Variants in DLG2 observed in about 807,000 individuals in gnomAD.
DLG2 encodes the protein discs large MAGUK scaffold protein 2, also known as disks large homolog 2.
DLG2 carries 45 observed loss-of-function variants against 132.5 expected under a neutral mutation model. The ratio of observed to expected loss-of-function variants is 0.34; its 90% CI spans 0.27 to 0.44. DLG2 has a LOEUF of 0.44. Among genes scored for constraint, DLG2 ranks in the 20% least tolerant of loss-of-function variants. The pLI is 1.00. For missense variants in DLG2, 1,045 were observed against 1,196.9 expected (o/e 0.87, Z 1.87); for synonymous variants, 424 against 419.6 (o/e 1.01, Z -0.13).
At chr11:84,678,792 C>CA (rs1358084624) in intron 6 of DLG2, among the ~76,000 whole-genome samples, 4 of 151,998 alleles carry the variant, frequency 2.6e-5, no homozygotes, top group South Asian at 4.1e-4. Context: ...TAGAAATGAA[C>CA]AGAAATTGAG....
intron 6 of DLG2, among the ~76,000 whole-genome samples, chr11:84,681,178 T>C (rs1302904218): frequency 1.3e-5 from 2 of 152,218 alleles, no homozygotes; most frequent in African/African-American, 4.8e-5. Context: ...AATAATCATA[T>C]AGGAAAGCAG....
intron 6 of DLG2, among the ~76,000 whole-genome samples, chr11:84,794,275 C>T (rs1414371495): frequency 6.6e-6 from 1 of 152,134 alleles, no homozygotes; most frequent in Non-Finnish European, 1.5e-5. Context: ...AAGAGTGTAA[C>T]GGGATTGTAA....
chr11:84,957,029 A>T (rs2051775726), intron 6 of DLG2, among the ~76,000 whole-genome samples: 1 of 152,210 alleles, frequency 6.6e-6, no homozygotes, highest in Non-Finnish European at 1.5e-5. Flanking sequence ...ACATTAGTTG[A>T]ATGTCTATTT....
intron 21 of DLG2, among the ~76,000 whole-genome samples, chr11:83,487,873 A>T: frequency 6.6e-6 from 1 of 152,040 alleles, no homozygotes; most frequent in East Asian, 1.9e-4. Context: ...TTAACTGGCA[A>T]ATCTGTGGAA....
rs1158690628 is a variant in DLG2 at position 83,541,707 on chromosome 11, T to A, written c.2092A>T (p.Met698Leu). The A allele has an allele frequency of 6.2e-7, 1 of 1,610,402 alleles. No homozygotes were observed. The change falls in exon 20 of 28, where the codon ATG becomes TTG. Residue 698 changes from methionine to leucine, a missense_variant. This residue lies in a region of DLG2 where 398 missense variants were observed against 543.6 expected (regional missense o/e 0.73). Transcript: ENST00000376104. ...RVMLEGDSEE[M>L]GVIPSKRRVE... ...CTCCTTTTGCTGGGGATGACCCCCA[T>A]CTCCTCACTGTCTCCCTCCAGCATG...
chr11:83,563,424 G>A (rs1565820270), intron 19 of DLG2, among the ~76,000 whole-genome samples: 1 of 152,208 alleles, frequency 6.6e-6, no homozygotes, highest in Non-Finnish European at 1.5e-5. Flanking sequence ...ATAAAGAAAA[G>A]TCATTGGAAG....
chr11:84,511,160 G>A (rs558176590), intron 7 of DLG2, among the ~76,000 whole-genome samples: 5 of 152,178 alleles, frequency 3.3e-5, no homozygotes, highest in African/African-American at 1.2e-4. Context: ...TGCATAAAGA[G>A]AGGATTATAG....
chr11:84,844,065 TTGTGTG>T (rs769383482), intron 6 of DLG2, among the ~76,000 whole-genome samples: 2 of 115,156 alleles, frequency 1.7e-5, no homozygotes, highest in African/African-American at 6.3e-5. Flanking sequence ...ATATATATGT[TTGTGTG>T]TGTGTGTGTG....
chr11:84,462,243 A>G (rs1261383803), intron 7 of DLG2, among the ~76,000 whole-genome samples: 1 of 151,122 alleles, frequency 6.6e-6, no homozygotes, highest in African/African-American at 2.4e-5. Flanking sequence ...AGGGACTTTA[A>G]CCACAAATTA....
chr11:84,607,014 A>G (rs1358209810), intron 6 of DLG2, among the ~76,000 whole-genome samples: 1 of 152,072 alleles, frequency 6.6e-6, no homozygotes. Context: ...TTCTTTCTCC[A>G]TATCCAGGAT....
rs185577859 is a variant in DLG2 at position 85,313,352 on chromosome 11, G to T, written c.41-27987C>A. 5.9e-5 allele frequency among the ~76,000 whole-genome samples: 9 copies of T among 152,038 alleles called. No homozygotes were observed. The East Asian group carries it at 1.7e-3, about 29-fold the overall frequency. On this transcript the variant is annotated intron_variant, in intron 3 of 27. Coordinates refer to ENST00000376104, the MANE Select transcript of DLG2 (RefSeq NM_001142699.3). ...TACCTAACCATGTACAGTCACATTA[G>T]ATTTTGACATAAACAAGAAATAAAT...
intron 4 of DLG2, among the ~76,000 whole-genome samples, chr11:85,252,273 C>G (rs1473511315): frequency 6.6e-6 from 1 of 152,138 alleles, no homozygotes; most frequent in Non-Finnish European, 1.5e-5. Context: ...TGTGAATGCA[C>G]AGAGCAGATT....
chr11:84,931,398 G>T (rs2048070715), intron 6 of DLG2, among the ~76,000 whole-genome samples: 1 of 152,062 alleles, frequency 6.6e-6, no homozygotes, highest in Admixed American at 6.6e-5. Context: ...GCTCCCACTT[G>T]TAAGTGAGAG....
intron 6 of DLG2, among the ~76,000 whole-genome samples, chr11:84,537,738 G>A (rs1049071772): frequency 1.3e-5 from 2 of 152,166 alleles, no homozygotes; most frequent in African/African-American, 2.4e-5. Context: ...CATTGGTATT[G>A]TTTATTCTCA....
chr11:84,410,065 C>G (rs2098891218), intron 7 of DLG2, among the ~76,000 whole-genome samples: 2 of 152,166 alleles, frequency 1.3e-5, no homozygotes, highest in South Asian at 4.1e-4. Context: ...GAAGGTAACT[C>G]CTAGGCAAGA....
intron 6 of DLG2, among the ~76,000 whole-genome samples, chr11:84,934,540 T>TTTTTTTTTTTTTTTTG (rs2048506991): frequency 7.1e-6 from 1 of 140,044 alleles, no homozygotes; most frequent in East Asian, 2.1e-4. Context: ...TTTTTTTTTT[T>TTTTTTTTTTTTTTTTG]TTTTTTGGTG....
chr11:84,922,133 T>G lies in DLG2; in HGVS notation c.357+189528A>C, dbSNP rs371807234. On this transcript the variant is annotated intron_variant, in intron 6 of 27. Transcript: ENST00000376104. The stretch of plus-strand genomic sequence containing the variant: ...TTAGTACCCAGACACATTAAAACAC[T>G]CCCCTAGTAAAATAAAAAGGGGAAA... 1.4e-3 allele frequency among the ~76,000 whole-genome samples: 202 copies of G among 147,986 alleles called. 3 individuals carry two copies. In the South Asian group the frequency reaches 0.021, roughly 15 times the overall value.
intron 19 of DLG2, among the ~76,000 whole-genome samples, chr11:83,596,436 T>C (rs1459996226): frequency 2.0e-5 from 3 of 152,182 alleles, no homozygotes; most frequent in African/African-American, 4.8e-5. Context: ...CTTGCTCCTC[T>C]TCATTTATTC....
rs145950377 is a variant in DLG2 at position 84,926,139 on chromosome 11, C to T, written c.357+185522G>A. Among the ~76,000 whole-genome samples, 73 of 152,030 alleles carry T rather than the reference C, an allele frequency of 4.8e-4. 1 individual carries two copies. The highest frequency in any genetic ancestry group is 1.4e-3 in the African/African-American group (57 of 41,518). On this transcript the variant is annotated intron_variant, in intron 6 of 27. Transcript: ENST00000376104. ...GAAGCACTCAAAGAACATAAAGTAG[C>T]AATTCACAAAAAGACCACAAAACAC...
Sources: allele counts gnomAD v4.1 joint callset (sites outside exome capture counted in the v4.1 genomes callset), GRCh38; gene constraint gnomAD v4.1.1; regional missense constraint gnomAD v4.1.1; transcripts MANE v1.5; gene names NCBI Gene and HGNC (gene_info 2026-07-23, HGNC 2026-07-21).